The following PDE3B variants were observed in gnomAD, a reference collection of about 807,000 sequenced individuals.
The protein encoded by PDE3B is phosphodiesterase 3B.
In PDE3B, 66 loss-of-function variants were observed where a neutral mutation model predicts 116.8. The ratio of observed to expected loss-of-function variants is 0.56; its 90% CI spans 0.46 to 0.69. The LOEUF is 0.69. Ranked by LOEUF, PDE3B falls within the 30% of genes least tolerant of loss-of-function variation. The probability of loss-of-function intolerance (pLI) is 0.00; values close to 1 mark genes in which losing one functional copy is unlikely to be tolerated. For synonymous variants in PDE3B, 595 were observed against 533.6 expected (o/e 1.12, Z -1.59); for missense variants, 1,384 against 1,368.1 (o/e 1.01, Z -0.18).
intron 14 of PDE3B, 93 bp downstream of exon 14, chr11:14,861,459 A>C: frequency 8.7e-7 from 1 of 1,150,474 alleles, no homozygotes; most frequent in Non-Finnish European, 1.3e-6. Flanking sequence ...AAGTGTTTGA[A>C]ATCTGAGTTG....
intron 1 of PDE3B, among the ~76,000 whole-genome samples, chr11:14,731,324 T>C (rs1326626269): frequency 6.7e-6 from 1 of 150,282 alleles, no homozygotes; most frequent in South Asian, 2.1e-4. Context: ...AGTGGCACTA[T>C]CTCGGCTCAC....
intron 2 of PDE3B, among the ~76,000 whole-genome samples, chr11:14,784,658 A>G (rs1858137783): frequency 6.6e-6 from 1 of 152,158 alleles, no homozygotes; most frequent in Non-Finnish European, 1.5e-5. Context: ...ACAAATAATA[A>G]AACAGCAAAC....
chr11:14,719,054 A>G (rs1856015618), intron 1 of PDE3B, among the ~76,000 whole-genome samples: 1 of 107,532 alleles, frequency 9.3e-6, no homozygotes, highest in Non-Finnish European at 1.9e-5. Context: ...AAGAGAGGAG[A>G]ATCAAATAGA....
intron 1 of PDE3B, among the ~76,000 whole-genome samples, chr11:14,667,483 A>G (rs556396350): frequency 2.6e-4 from 39 of 151,732 alleles, no homozygotes; most frequent in African/African-American, 8.9e-4. Context: ...TGTGGCACAC[A>G]TACACCATGG....
the PDE3B span, among the ~76,000 whole-genome samples, chr11:14,895,933 G>C: frequency 7.6e-6 from 1 of 131,162 alleles, no homozygotes; most frequent in African/African-American, 2.6e-5. Flanking sequence ...TGGTGATGAT[G>C]ATGATGGTGG....
chr11:14,891,635 C>A, the PDE3B span: 12 of 1,106,196 alleles, frequency 1.1e-5, no homozygotes, highest in East Asian at 1.4e-4. Flanking sequence ...CACCTGAGGG[C>A]ATGCGTCCAC....
At chr11:14,646,382 G>C (rs1029120039) in intron 1 of PDE3B, among the ~76,000 whole-genome samples, 1 of 152,160 alleles carries the variant, frequency 6.6e-6, no homozygotes, top group African/African-American at 2.4e-5. Context: ...TTTGGCTTCA[G>C]AGGCCACTTC....
At chr11:14,820,602 C>A (rs1366232872) in intron 7 of PDE3B, among the ~76,000 whole-genome samples, 2 of 152,060 alleles carry the variant, frequency 1.3e-5, no homozygotes, top group Non-Finnish European at 2.9e-5. Context: ...TGTGTTCCTC[C>A]AAAAATTCAT....
chr11:14,895,164 C>G, the PDE3B span, among the ~76,000 whole-genome samples: 4 of 152,186 alleles, frequency 2.6e-5, no homozygotes, highest in African/African-American at 9.7e-5. Context: ...TGGCCTGGGC[C>G]GTGGGAGTTG....
chr11:14,892,111 T>C, the PDE3B span: 1 of 1,611,838 alleles, frequency 6.2e-7, no homozygotes. Context: ...CCGCCTCTGC[T>C]TCAGCAGCTG....
At chr11:14,707,876 A>G (rs1168133366) in intron 1 of PDE3B, among the ~76,000 whole-genome samples, 2 of 152,086 alleles carry the variant, frequency 1.3e-5, no homozygotes, top group African/African-American at 2.4e-5. Context: ...CCTTATAGTA[A>G]CATACAAGGA....
chr11:14,892,374 T>C, the PDE3B span: 1 of 660,852 alleles, frequency 1.5e-6, no homozygotes, highest in South Asian at 1.9e-5. Flanking sequence ...CCTTCTAGTT[T>C]TGCGCGGCTG....
intron 1 of PDE3B, among the ~76,000 whole-genome samples, chr11:14,714,310 G>A (rs149117190): frequency 1.5e-3 from 221 of 151,968 alleles, no homozygotes; most frequent in African/African-American, 4.9e-3. Context: ...TCTTCCCTTG[G>A]CCCTATTTTT....
chr11:14,710,768 C>G (rs1422750426), intron 1 of PDE3B, among the ~76,000 whole-genome samples: 2 of 152,162 alleles, frequency 1.3e-5, no homozygotes, highest in Non-Finnish European at 2.9e-5. Flanking sequence ...TTTAGGCTAT[C>G]CTTCCTATAG....
intron 1 of PDE3B, among the ~76,000 whole-genome samples, chr11:14,736,444 T>C (rs1160096943): frequency 6.6e-6 from 1 of 152,200 alleles, no homozygotes; most frequent in African/African-American, 2.4e-5. Context: ...ATATTTTCTT[T>C]CAGTATTTTT....
At chr11:14,663,920 T>C (rs1854028415) in intron 1 of PDE3B, among the ~76,000 whole-genome samples, 1 of 152,162 alleles carries the variant, frequency 6.6e-6, no homozygotes, top group South Asian at 2.1e-4. Context: ...GCGGACCTAA[T>C]AGACATCTAC....
intron 2 of PDE3B, among the ~76,000 whole-genome samples, chr11:14,784,720 T>G (rs1542291): frequency 0.66 from 99,743 of 151,852 alleles, 33,036 homozygotes; most frequent in African/African-American, 0.74. Context: ...TGAAGAAAAG[T>G]AAAAATTGAC....
At chr11:14,879,219 A>T in the PDE3B span, 2 of 1,613,224 alleles carry the variant, frequency 1.2e-6, no homozygotes, top group African/African-American at 2.7e-5. Flanking sequence ...TTTTCATCAA[A>T]GTGTACAGAA....
At chr11:14,819,994 A>T (rs1460527052) in intron 7 of PDE3B, among the ~76,000 whole-genome samples, 1 of 152,222 alleles carries the variant, frequency 6.6e-6, no homozygotes, top group Non-Finnish European at 1.5e-5. Flanking sequence ...GATAAACTCT[A>T]AAGTGTTGTA....
Sources: gnomAD v4.1 joint callset for allele counts (sites outside exome capture counted in the v4.1 genomes callset) on GRCh38, gnomAD v4.1.1 for gene constraint, MANE v1.5 for transcripts, NCBI Gene and HGNC (gene_info 2026-07-23, HGNC 2026-07-21) for gene names.